The following BRMS1L variants were observed in gnomAD, a reference collection of about 807,000 sequenced individuals.
The protein encoded by BRMS1L is BRMS1 like transcriptional repressor.
BRMS1L carries 23 observed loss-of-function variants against 50.3 expected under a neutral mutation model. The ratio of observed to expected loss-of-function variants is 0.46; its 90% confidence interval spans 0.33 to 0.65. The LOEUF (loss-of-function observed/expected upper bound fraction) is 0.65. Ranked by LOEUF, BRMS1L falls within the 30% of genes least tolerant of loss-of-function variation. The probability of loss-of-function intolerance (pLI) is 0.02; values close to 1 mark genes in which losing one functional copy is unlikely to be tolerated. For synonymous variants in BRMS1L, 114 were observed against 126.9 expected (o/e 0.90, Z 0.69); for missense variants, 286 against 386.1 (o/e 0.74, Z 2.17).
chr14:35,826,916 G>A (rs951591236), intron 1 of BRMS1L, among the ~76,000 whole-genome samples: 12 of 152,196 alleles, frequency 7.9e-5, no homozygotes, highest in African/African-American at 2.9e-4. Context: ...CCCCGGTGGT[G>A]CTCTGGAGCG....
intron 1 of BRMS1L, among the ~76,000 whole-genome samples, chr14:35,826,922 G>C (rs982976028): frequency 7.2e-5 from 11 of 152,206 alleles, no homozygotes; most frequent in Non-Finnish European, 1.3e-4. Flanking sequence ...TGGTGCTCTG[G>C]AGCGACCAGC....
chr14:35,838,834 G>A (rs1229225156), intron 4 of BRMS1L, among the ~76,000 whole-genome samples: 1 of 152,176 alleles, frequency 6.6e-6, no homozygotes, highest in Non-Finnish European at 1.5e-5. Context: ...TGTTCACTCT[G>A]ATGATAGTTT....
At chr14:35,842,679 A>G (rs1434403575) in intron 4 of BRMS1L, among the ~76,000 whole-genome samples, 2 of 152,170 alleles carry the variant, frequency 1.3e-5, no homozygotes, top group Non-Finnish European at 2.9e-5. Flanking sequence ...CTCGAGGAGT[A>G]TCTCTGTGGT....
intron 4 of BRMS1L, among the ~76,000 whole-genome samples, chr14:35,851,626 T>C (rs1310581927): frequency 6.6e-6 from 1 of 152,200 alleles, no homozygotes; most frequent in Non-Finnish European, 1.5e-5. Context: ...GTGTTTTTCA[T>C]AGAAAATATA....
chr14:35,861,802 C>T (rs1054026034), intron 4 of BRMS1L, among the ~76,000 whole-genome samples: 12 of 152,206 alleles, frequency 7.9e-5, no homozygotes, highest in Non-Finnish European at 1.0e-4. Context: ...CAATAGCTTC[C>T]GCAAGACAGT....
intron 1 of BRMS1L, among the ~76,000 whole-genome samples, chr14:35,830,679 A>G (rs1322045853): frequency 6.6e-6 from 1 of 152,118 alleles, no homozygotes; most frequent in Non-Finnish European, 1.5e-5. Context: ...TTTATGTGAC[A>G]GGCAAATCAG....
chr14:35,837,562 T>C (rs1007596270), intron 4 of BRMS1L, among the ~76,000 whole-genome samples: 9 of 152,116 alleles, frequency 5.9e-5, no homozygotes, highest in Admixed American at 2.6e-4. Context: ...TTCTTCTTCT[T>C]TTTTTTGAGG....
intron 4 of BRMS1L, among the ~76,000 whole-genome samples, chr14:35,848,977 T>C (rs2078173497): frequency 6.6e-6 from 1 of 152,196 alleles, no homozygotes; most frequent in South Asian, 2.1e-4. Flanking sequence ...TTTGGATATA[T>C]ACCTAGAAGT....
chr14:35,855,880 A>T (rs1384059864), intron 4 of BRMS1L, among the ~76,000 whole-genome samples: 1 of 152,240 alleles, frequency 6.6e-6, no homozygotes, highest in Non-Finnish European at 1.5e-5. Context: ...TGAGTGGGTT[A>T]ACTGAGGCTA....
chr14:35,837,604 G>T (rs1208788533), intron 4 of BRMS1L, among the ~76,000 whole-genome samples: 1 of 152,056 alleles, frequency 6.6e-6, no homozygotes, highest in African/African-American at 2.4e-5. Flanking sequence ...AGGCTGGAGT[G>T]CAGTGGTGTG....
At chr14:35,832,406 C>T (rs1008069837) in intron 2 of BRMS1L, among the ~76,000 whole-genome samples, 14 of 149,954 alleles carry the variant, frequency 9.3e-5, no homozygotes, top group Middle Eastern at 7.0e-3. Flanking sequence ...ACTCGGGAGG[C>T]TGAGGCAGGA....
rs771756927 is a variant in BRMS1L at position 35,831,392 on chromosome 14, T to C, written c.143-18T>C. 1.1e-5 allele frequency: 17 copies of C among 1,566,832 alleles called. No individual in the cohort carries two copies. The Admixed American group carries it at 2.0e-4, about 19-fold the overall frequency. ...TGAAAATTAAGTTTATCTTTTATAT[T>C]TGCCTTTTTATTAACAGAAATGGAT... On this transcript the variant is annotated intron_variant, in intron 1 of 9. Coordinates refer to ENST00000216807, the MANE Select transcript of BRMS1L (RefSeq NM_032352.4).
At chr14:35,861,281 A>C (rs2078347950) in intron 4 of BRMS1L, among the ~76,000 whole-genome samples, 1 of 152,184 alleles carries the variant, frequency 6.6e-6, no homozygotes, top group South Asian at 2.1e-4. Context: ...CTAATTTGTC[A>C]ATAGGAAGAA....
intron 8 of BRMS1L, 24 bp downstream of exon 8, chr14:35,865,785 G>A (rs2078412693): frequency 6.3e-7 from 1 of 1,596,446 alleles, no homozygotes. Flanking sequence ...TCTGAGTTGG[G>A]AAATATTCTC....
chr14:35,836,436 C>T (rs1252898389), intron 4 of BRMS1L, among the ~76,000 whole-genome samples: 1 of 152,080 alleles, frequency 6.6e-6, no homozygotes, highest in Non-Finnish European at 1.5e-5. Context: ...ACTCCCCTGG[C>T]CTCAAGCCAT....
At chr14:35,867,680 A>G (rs2078438957) in intron 8 of BRMS1L, 1 of 275,982 alleles carries the variant, frequency 3.6e-6, no homozygotes, top group African/African-American at 2.2e-5. Flanking sequence ...TTGATGATTT[A>G]TTGTTCATTG....
At position 35,828,105 on chromosome 14, in the gene BRMS1L, A is replaced by G. The variant is rs1286352540; in HGVS notation, c.142+1447A>G. ...CAAGGAGAGTGGCGGTAGCATCAACAGAAATAGAAAAGTGAAAGATTTGAG... is the reference window on the plus strand; with the variant it reads ...CAAGGAGAGTGGCGGTAGCATCAACGGAAATAGAAAAGTGAAAGATTTGAG... On this transcript the variant is annotated intron_variant, in intron 1 of 9. Transcript: ENST00000216807. Among the ~76,000 whole-genome samples the G allele has an allele frequency of 2.6e-5, 4 of 152,316 alleles. No homozygotes were observed. The East Asian group carries it at 7.7e-4, about 29-fold the overall frequency.
intron 6 of BRMS1L, 122 bp downstream of exon 6, chr14:35,864,075 A>T (rs1026045334): frequency 2.6e-6 from 2 of 767,988 alleles, no homozygotes; most frequent in African/African-American, 1.8e-5. Context: ...TAAGCAAAAG[A>T]TGATTTATTT....
intron 4 of BRMS1L, among the ~76,000 whole-genome samples, chr14:35,859,102 G>A (rs1273328872): frequency 1.3e-5 from 2 of 151,726 alleles, no homozygotes; most frequent in Non-Finnish European, 1.5e-5. Flanking sequence ...CACCACGCCC[G>A]GCTTATTTTT....
Sources: gnomAD v4.1 joint callset for allele counts (sites outside exome capture counted in the v4.1 genomes callset) on GRCh38, gnomAD v4.1.1 for gene constraint, MANE v1.5 for transcripts, NCBI Gene and HGNC (gene_info 2026-07-23, HGNC 2026-07-21) for gene names.